Variants in NINL observed in about 807,000 individuals in gnomAD.
NINL encodes the protein ninein like.
In NINL, 153 loss-of-function variants were observed where a neutral mutation model predicts 160.3. That is an observed-to-expected ratio of 0.95 (90% CI 0.84 to 1.09). The LOEUF (loss-of-function observed/expected upper bound fraction) is 1.09, where lower values mean the gene tolerates loss of function less well. NINL is among the 50% of genes least tolerant of loss of function. The pLI is 0.00. For missense variants in NINL, 1,829 were observed against 1,764.0 expected, an observed-to-expected ratio of 1.04 and a Z score of -0.66; for synonymous variants, 800 against 734.8, an observed-to-expected ratio of 1.09 and a Z score of -1.43.
intron 13 of NINL, among the ~76,000 whole-genome samples, chr20:25,486,674 G>C (rs908127806): frequency 4.6e-5 from 7 of 152,192 alleles, no homozygotes; most frequent in African/African-American, 1.7e-4. Flanking sequence ...AGGGTGCCCA[G>C]ATGGAGGCAA....
At chr20:25,453,730 C>T (rs569970882) in intron 23 of NINL, 88 bp from the exon 24 acceptor site, 49 of 1,261,196 alleles carry the variant, frequency 3.9e-5, no homozygotes, top group African/African-American at 4.5e-5. Flanking sequence ...CCCAGGTTTA[C>T]GCAAACCACA....
chr20:25,559,553 C>A (rs931680159), intron 1 of NINL, among the ~76,000 whole-genome samples: 5 of 151,772 alleles, frequency 3.3e-5, no homozygotes, highest in African/African-American at 1.2e-4. Flanking sequence ...GGGCCTTTTT[C>A]ATTTTCCGTC....
intron 1 of NINL, among the ~76,000 whole-genome samples, chr20:25,567,475 CA>C (rs1456766719): frequency 6.6e-6 from 1 of 151,786 alleles, no homozygotes; most frequent in Admixed American, 6.6e-5. Context: ...TGGAGAAAAC[CA>C]AAAGAAAGAC....
intron 10 of NINL, among the ~76,000 whole-genome samples, chr20:25,494,189 C>T (rs1202496413): frequency 6.6e-6 from 1 of 150,726 alleles, no homozygotes; most frequent in Non-Finnish European, 1.5e-5. Flanking sequence ...CCCACGCACA[C>T]TCAGCAACCC....
chr20:25,511,286 A>C (rs910534009), intron 4 of NINL, among the ~76,000 whole-genome samples: 1 of 152,184 alleles, frequency 6.6e-6, no homozygotes, highest in Non-Finnish European at 1.5e-5. Context: ...CCGGGATAGC[A>C]CAGCGCCTGG....
intron 1 of NINL, among the ~76,000 whole-genome samples, chr20:25,574,135 T>C (rs895700373): frequency 6.6e-6 from 1 of 152,110 alleles, no homozygotes; most frequent in Non-Finnish European, 1.5e-5. Context: ...CTAGTATAAA[T>C]GACTGTTTCA....
chr20:25,491,319 C>T, intron 11 of NINL, 32 bp downstream of exon 11: 1 of 1,581,180 alleles, frequency 6.3e-7, no homozygotes, highest in African/African-American at 1.3e-5. Flanking sequence ...GGCACCCCCC[C>T]AGCTTCCTGG....
intron 18 of NINL, 23 bp downstream of exon 18, chr20:25,469,968 C>T (rs747286017): frequency 6.3e-7 from 1 of 1,575,750 alleles, no homozygotes; most frequent in Admixed American, 1.7e-5. Flanking sequence ...CCCAGAAGGT[C>T]TGGGTAGGGG....
intron 9 of NINL, among the ~76,000 whole-genome samples, chr20:25,497,666 C>G (rs1002877857): frequency 5.9e-5 from 9 of 152,252 alleles, no homozygotes; most frequent in Admixed American, 5.2e-4. Flanking sequence ...CTCAGCCCAA[C>G]GTCACGGGGC....
At position 25,469,998 on chromosome 20, in the gene NINL, C is replaced by T. The variant is rs774313616; in HGVS notation, c.3346G>A (p.Ala1116Thr). The T allele has an allele frequency of 1.2e-6, 2 of 1,613,700 alleles. No individual in the cohort carries two copies. Among genetic ancestry groups the T allele is most frequent in the Non-Finnish European group, 1.7e-6 (2 of 1,179,564 alleles). Residue 1116 changes from alanine (A) to threonine (T), a missense_variant, in exon 18 of 24, where the codon GCA (alanine) becomes ACA (threonine). Coordinates refer to ENST00000278886, the MANE Select transcript of NINL (RefSeq NM_025176.6). The stretch of plus-strand genomic sequence containing the variant: ...TAGGGGCGTGGCCCTTACCTCTGTG[C>T]ATCGTGAGTACTTTCTGCAGCTTCA... Reference protein sequence around the residue: ...ELEAAESTHDAQRKEIEVLKK... With the variant: ...ELEAAESTHDTQRKEIEVLKK...
intron 22 of NINL, among the ~76,000 whole-genome samples, chr20:25,456,104 G>A (rs186452700): frequency 1.5e-3 from 232 of 151,148 alleles, no homozygotes; most frequent in Non-Finnish European, 2.9e-3. Flanking sequence ...TTAGCTGGGC[G>A]TGGTAGCGTG....
At chr20:25,517,233 C>T (rs1013094506) in intron 3 of NINL, among the ~76,000 whole-genome samples, 1 of 152,058 alleles carries the variant, frequency 6.6e-6, no homozygotes, top group South Asian at 2.1e-4. Flanking sequence ...CTAAATAATA[C>T]CACAAACACA....
chr20:25,512,064 A>T (rs890285590), intron 4 of NINL, among the ~76,000 whole-genome samples: 1 of 151,984 alleles, frequency 6.6e-6, no homozygotes, highest in Admixed American at 6.5e-5. Context: ...GCCCCACGAG[A>T]CTCTGGCAGC....
At chr20:25,479,537 C>T (rs771653797) in intron 15 of NINL, among the ~76,000 whole-genome samples, 5 of 152,144 alleles carry the variant, frequency 3.3e-5, no homozygotes, top group Non-Finnish European at 5.9e-5. Flanking sequence ...CTCTGAACAG[C>T]GTGGAGGCCC....
At chr20:25,566,652 G>A (rs375152307) in intron 1 of NINL, among the ~76,000 whole-genome samples, 27 of 152,222 alleles carry the variant, frequency 1.8e-4, no homozygotes, top group African/African-American at 6.3e-4. Context: ...TAACAGACCC[G>A]GCATGGTAAC....
At position 25,504,007 on chromosome 20, in the gene NINL, A is replaced by G. The variant is rs771961453; in HGVS notation, c.806T>C (p.Leu269Pro). 1 of 1,614,042 alleles carries G rather than the reference A, an allele frequency of 6.2e-7. No individual in the cohort carries two copies. The highest frequency in any genetic ancestry group is 8.5e-7 in the Non-Finnish European group (1 of 1,179,974). The change falls in exon 7 of 24, where the codon CTA becomes CCA. Residue 269 changes from leucine (L) to proline (P), a missense_variant. Leu to Pro is a moderately conservative substitution (Grantham distance 98, BLOSUM62 -3). Coordinates refer to ENST00000278886, the MANE Select transcript of NINL (RefSeq NM_025176.6). ...QLGLFSHEPA[L>P]LLESSTRVKP... ...AACCCGAGTGGAAGACTCTAGAAGT[A>G]GCGCGGGCTCATGACTGAAGAGGCC... is the stretch of plus-strand genomic sequence containing the variant.
intron 19 of NINL, among the ~76,000 whole-genome samples, chr20:25,464,266 A>C (rs1389279633): frequency 3.9e-5 from 6 of 152,018 alleles, no homozygotes; most frequent in African/African-American, 1.4e-4. Context: ...AAAATACAAA[A>C]ATTAGCCGGG....
chr20:25,493,418 C>T (rs1289286583), intron 10 of NINL, among the ~76,000 whole-genome samples: 2 of 152,004 alleles, frequency 1.3e-5, no homozygotes, highest in South Asian at 2.1e-4. Flanking sequence ...GAGAGGTGGA[C>T]GAACCGAGCT....
At chr20:25,487,797 C>A (rs184104444) in intron 13 of NINL, among the ~76,000 whole-genome samples, 2 of 152,334 alleles carry the variant, frequency 1.3e-5, no homozygotes, top group Admixed American at 1.3e-4. Context: ...CACAGAATTT[C>A]TTCTGCGGGC....
Sources: gnomAD v4.1 joint callset for allele counts (sites outside exome capture counted in the v4.1 genomes callset) on GRCh38, gnomAD v4.1.1 for gene constraint, MANE v1.5 for transcripts, NCBI Gene and HGNC (gene_info 2026-07-23, HGNC 2026-07-21) for gene names.